Variants in KLF15 observed in about 807,000 individuals in gnomAD.
KLF15 encodes the protein KLF transcription factor 15, also known as Krueppel-like factor 15.
In KLF15, 4 loss-of-function variants were observed where a neutral mutation model predicts 24.6. That is an observed-to-expected ratio of 0.16 (90% CI 0.08 to 0.37). KLF15 has a LOEUF of 0.37. Among genes scored for constraint, KLF15 ranks in the 10% least tolerant of loss-of-function variants. KLF15 has a pLI of 1.00. For synonymous variants in KLF15, 246 were observed against 236.3 expected, an observed-to-expected ratio of 1.04 and a Z score of -0.37; for missense variants, 496 against 560.6, an observed-to-expected ratio of 0.88 and a Z score of 1.16.
chr3:126,307,207 C>T, the KLF15 span, among the ~76,000 whole-genome samples: 1 of 152,176 alleles, frequency 6.6e-6, no homozygotes, highest in Non-Finnish European at 1.5e-5. Flanking sequence ...GCAGACGCTC[C>T]TTCCCCTCCC....
At chr3:126,298,807 T>C in the KLF15 span, among the ~76,000 whole-genome samples, 1 of 152,196 alleles carries the variant, frequency 6.6e-6, no homozygotes, top group African/African-American at 2.4e-5. Context: ...GGTTCTCTAT[T>C]CTGTTCCATT....
intron 2 of KLF15, among the ~76,000 whole-genome samples, chr3:126,350,993 G>A (rs760094848): frequency 2.0e-5 from 3 of 152,250 alleles, no homozygotes; most frequent in Non-Finnish European, 4.4e-5. Context: ...CTGGCACCCC[G>A]GAGCACATGA....
chr3:126,305,629 ACTG>A, the KLF15 span, among the ~76,000 whole-genome samples: 1 of 151,436 alleles, frequency 6.6e-6, no homozygotes, highest in African/African-American at 2.4e-5. Flanking sequence ...GGTCACACTT[ACTG>A]CAAGGGAGAC....
At chr3:126,305,459 A>G in the KLF15 span, among the ~76,000 whole-genome samples, 1 of 152,230 alleles carries the variant, frequency 6.6e-6, no homozygotes, top group Non-Finnish European at 1.5e-5. Context: ...CCACAAATCC[A>G]GCATCACATC....
At chr3:126,304,426 G>T in the KLF15 span, among the ~76,000 whole-genome samples, 15 of 152,106 alleles carry the variant, frequency 9.9e-5, no homozygotes, top group Non-Finnish European at 2.1e-4. Flanking sequence ...CCCAGGCATT[G>T]TTCCCTCTAA....
chr3:126,322,568 T>G, the KLF15 span, among the ~76,000 whole-genome samples: 1 of 152,214 alleles, frequency 6.6e-6, no homozygotes, highest in East Asian at 1.9e-4. Context: ...CTTAATCACA[T>G]CCACGAAGGA....
At chr3:126,300,083 G>A in the KLF15 span, among the ~76,000 whole-genome samples, 1 of 152,140 alleles carries the variant, frequency 6.6e-6, no homozygotes, top group Non-Finnish European at 1.5e-5. Flanking sequence ...AGCTCCACAG[G>A]GGGGTGAATC....
intron 2 of KLF15, among the ~76,000 whole-genome samples, chr3:126,350,929 A>G (rs527690343): frequency 8.3e-4 from 127 of 152,320 alleles, no homozygotes; most frequent in Non-Finnish European, 1.5e-3. Context: ...AGCGCCCCCC[A>G]GGCAGGCCAG....
the KLF15 span, among the ~76,000 whole-genome samples, chr3:126,304,395 AC>A: frequency 6.6e-6 from 1 of 152,134 alleles, no homozygotes; most frequent in Non-Finnish European, 1.5e-5. Flanking sequence ...CACTCTATGG[AC>A]CTATATGAGC....
At chr3:126,298,959 G>C in the KLF15 span, among the ~76,000 whole-genome samples, 1 of 151,870 alleles carries the variant, frequency 6.6e-6, no homozygotes, top group East Asian at 1.9e-4. Flanking sequence ...GCTCTTTTTT[G>C]GTTCTATATA....
chr3:126,310,742 G>T, the KLF15 span, among the ~76,000 whole-genome samples: 1 of 152,240 alleles, frequency 6.6e-6, no homozygotes, highest in African/African-American at 2.4e-5. Context: ...ATGGATTAGG[G>T]CTCACCTCAA....
At chr3:126,346,625 G>A (rs79658121) in intron 2 of KLF15, among the ~76,000 whole-genome samples, 17,774 of 152,178 alleles carry the variant, frequency 0.12, 1,231 homozygotes, top group Non-Finnish European at 0.15. Flanking sequence ...AACCAAGCTG[G>A]ACAACATGCT....
chr3:126,339,112 C>T (rs2082460687), downstream of KLF15, among the ~76,000 whole-genome samples: 1 of 152,222 alleles, frequency 6.6e-6, no homozygotes, highest in South Asian at 2.1e-4. Flanking sequence ...AGGTCCAGAC[C>T]TCCAGGAGGG....
chr3:126,314,509 G>A, the KLF15 span, among the ~76,000 whole-genome samples: 5 of 152,038 alleles, frequency 3.3e-5, no homozygotes. Context: ...TCCCACACAG[G>A]GACCCACACG....
At chr3:126,303,401 A>G in the KLF15 span, among the ~76,000 whole-genome samples, 1 of 151,860 alleles carries the variant, frequency 6.6e-6, no homozygotes, top group Non-Finnish European at 1.5e-5. Flanking sequence ...CTGAGTATAG[A>G]ATTCTAGGTT....
Position 126,343,573 on chromosome 3 carries a change from G to C in KLF15, c.*154C>G, listed in dbSNP as rs2082501217. 1.4e-6 allele frequency: 1 copy of C among 727,220 alleles called. No individual in the cohort carries two copies. The highest frequency in any genetic ancestry group is 2.2e-6 in the Non-Finnish European group (1 of 449,938). 45.0% of individuals were successfully genotyped at this position (727,220 alleles called of 1,614,324 possible). On this transcript the variant is annotated 3_prime_UTR_variant, in exon 3 of 3. Transcript: ENST00000296233. ...CTAAGTACTCCCGAGAAAGGCAGCG[G>C]TTGGCGGGCCCTGGGTTCACACCTC...
chr3:126,290,109 G>C, the KLF15 span, among the ~76,000 whole-genome samples: 1 of 152,186 alleles, frequency 6.6e-6, no homozygotes, highest in African/African-American at 2.4e-5. Context: ...CAAAGGGAAA[G>C]GCAGCTTCTT....
the KLF15 span, among the ~76,000 whole-genome samples, chr3:126,296,232 G>A: frequency 1.3e-5 from 2 of 152,080 alleles, no homozygotes; most frequent in African/African-American, 4.8e-5. Context: ...ATTTATATTT[G>A]GAGTCTCGCT....
chr3:126,314,104 G>A, the KLF15 span, among the ~76,000 whole-genome samples: 7 of 152,156 alleles, frequency 4.6e-5, no homozygotes, highest in African/African-American at 1.7e-4. Context: ...CTGAGCCCTG[G>A]TCTCAGGCTG....
Sources: allele counts gnomAD v4.1 joint callset (sites outside exome capture counted in the v4.1 genomes callset), GRCh38; gene constraint gnomAD v4.1.1; transcripts MANE v1.5; gene names NCBI Gene and HGNC (gene_info 2026-07-23, HGNC 2026-07-21).